The following TPR variants were observed in gnomAD, a reference collection of about 807,000 sequenced individuals.
The protein encoded by TPR is nucleoprotein TPR.
A neutral mutation model predicts 316.1 loss-of-function variants in TPR; 51 were observed. That is an observed-to-expected ratio of 0.16 (90% confidence interval 0.13 to 0.20). The LOEUF (loss-of-function observed/expected upper bound fraction) is 0.20. Ranked by LOEUF, TPR falls within the 10% of genes least tolerant of loss-of-function variation. The pLI, the probability that TPR is intolerant of heterozygous loss-of-function variation, is 1.00. For synonymous variants in TPR, 981 were observed against 914.7 expected (o/e 1.07, Z -1.31); for missense variants, 2,272 against 2,754.8 (o/e 0.82, Z 3.92).
chr1:186,341,490 T>C, intron 27 of TPR, 101 bp from the exon 28 acceptor site: 7 of 1,292,988 alleles, frequency 5.4e-6, no homozygotes, highest in Non-Finnish European at 7.2e-6. Context: ...ATAAAGAGGA[T>C]TTAAGTTTCA....
chr1:186,340,994 T>G, intron 29 of TPR, 34 bp downstream of exon 29: 1 of 1,592,986 alleles, frequency 6.3e-7, no homozygotes, highest in Non-Finnish European at 8.5e-7. Flanking sequence ...AAACACGTGT[T>G]TCCATGTTTT....
intron 46 of TPR, among the ~76,000 whole-genome samples, chr1:186,319,924 A>C (rs966166305): frequency 6.6e-6 from 1 of 152,188 alleles, no homozygotes; most frequent in African/African-American, 2.4e-5. Context: ...TATACATTTA[A>C]TTAGAAATGT....
At chr1:186,314,965 G>A (rs191682804) in intron 49 of TPR, among the ~76,000 whole-genome samples, 47 of 152,000 alleles carry the variant, frequency 3.1e-4, no homozygotes, top group Non-Finnish European at 4.7e-4. Flanking sequence ...TCAGGAGTTC[G>A]AGACCAGCCT....
Position 186,353,847 on chromosome 1 carries a change from A to G in TPR, c.2175T>C (p.Tyr725=). 2 of 1,612,432 alleles carry G rather than the reference A, an allele frequency of 1.2e-6. No individual in the cohort carries two copies. The highest frequency in any genetic ancestry group is 1.7e-6 in the Non-Finnish European group (2 of 1,179,610). ...CTTCAACATTATCTTGCAGCATTTC[A>G]TAACTGGTATGAAAAAAGTAATTCT... ...STQLDFASKR[Y]EMLQDNVEGY... The change falls in exon 18 of 51, where the codon TAT becomes TAC. Residue 725 remains tyrosine (Y), a synonymous_variant. Coordinates refer to ENST00000367478, the MANE Select transcript of TPR (RefSeq NM_003292.3).
At chr1:186,325,888 T>C (rs748761687) in intron 41 of TPR, 34 bp from the exon 42 acceptor site, 11 of 1,599,186 alleles carry the variant, frequency 6.9e-6, no homozygotes, top group Admixed American at 3.5e-5. Flanking sequence ...AATGCTCAAA[T>C]AAAATAAATA....
chr1:186,335,216 C>T (rs1658302525), intron 34 of TPR, 87 bp from the exon 35 acceptor site: 1 of 1,549,074 alleles, frequency 6.5e-7, no homozygotes, highest in South Asian at 1.2e-5. Context: ...ATTGTTAATT[C>T]TCTCCGCATA....
chr1:186,334,639 C>T, intron 35 of TPR, 106 bp from the exon 36 acceptor site: 1 of 1,188,116 alleles, frequency 8.4e-7, no homozygotes, highest in Non-Finnish European at 1.2e-6. Flanking sequence ...CTAAATATTT[C>T]AGAGCCTTAT....
chr1:186,323,870 C>T lies in TPR; in HGVS notation c.6113G>A (p.Gly2038Asp). 6.5e-7 allele frequency: 1 copy of T among 1,533,880 alleles called. No individual in the cohort carries two copies. The highest frequency in any genetic ancestry group is 8.7e-7 in the Non-Finnish European group (1 of 1,152,328). ...TTCTGCAGCACCTGTATTTCCTTCA[C>T]CTGTAGGAAAAGAGAAATTTACTTT... The part of the protein sequence containing the change: ...NHRAADSQNS[G>D]EGNTGAAESS... The change falls in exon 43 of 51, where the codon GGT becomes GAT. Residue 2038 changes from glycine (G) to aspartate (D), a missense_variant and splice_region_variant. Coordinates refer to ENST00000367478, the MANE Select transcript of TPR (RefSeq NM_003292.3).
rs1659162616 is a variant in TPR, at chr1:186,360,793, A to G, written c.1071T>C (p.Asn357=). The change falls in exon 10 of 51, where the codon AAT becomes AAC. Residue 357 remains asparagine (N), a synonymous_variant. Transcript: ENST00000367478. ...GRLEKELENA[N]DLLSATKRKG... The stretch of plus-strand genomic sequence containing the variant: ...TACGTTTTGTGGCAGAAAGAAGGTC[A>G]TTTGCATTCTCTAATTCCTTCTCCA... 6.2e-7 allele frequency: 1 copy of G among 1,612,912 alleles called. No individual in the cohort carries two copies. The highest frequency in any genetic ancestry group is 8.5e-7 in the Non-Finnish European group (1 of 1,179,214).
intron 42 of TPR, among the ~76,000 whole-genome samples, chr1:186,324,666 T>C (rs1183787814): frequency 1.3e-5 from 2 of 152,228 alleles, no homozygotes; most frequent in African/African-American, 4.8e-5. Flanking sequence ...CTAAACCTTA[T>C]TAAGTTTACT....
chr1:186,336,610 C>T lies in TPR; in HGVS notation c.4591G>A (p.Asp1531Asn). 1 of 1,613,840 alleles carries T rather than the reference C, an allele frequency of 6.2e-7. No individual in the cohort carries two copies. Among genetic ancestry groups the T allele is most frequent in the Non-Finnish European group, 8.5e-7 (1 of 1,179,892 alleles). ...LQSELSRLRQDLQDRTTQEEQ... is the reference protein window; with the variant it reads ...LQSELSRLRQNLQDRTTQEEQ... ...TCCTGTGTGGTTCTATCTTGAAGAT[C>T]CTGACGAAGTCGTGAAAGTTCAGAC... The change falls in exon 33 of 51, where the codon GAT becomes AAT. Residue 1531 changes from aspartate (D) to asparagine (N), a missense_variant. Physicochemically the swap from Asp to Asn is conservative, Grantham distance 23. This residue lies in a region of TPR where 101 missense variants were observed against 113.0 expected (regional missense o/e 0.89). Transcript: ENST00000367478.
intron 27 of TPR, 191 bp downstream of exon 27, chr1:186,343,135 G>C: frequency 1.8e-6 from 1 of 548,284 alleles, no homozygotes; most frequent in Non-Finnish European, 2.8e-6. Context: ...CTGAAACCAG[G>C]CAGTTTGGTT....
chr1:186,318,925 T>C (rs1322416148), intron 46 of TPR, 97 bp from the exon 47 acceptor site: 9 of 1,118,862 alleles, frequency 8.0e-6, no homozygotes, highest in Admixed American at 2.2e-5. Context: ...ATTGGAGATA[T>C]ACAACTTTAC....
intron 2 of TPR, among the ~76,000 whole-genome samples, chr1:186,371,811 T>C (rs1659535036): frequency 6.6e-6 from 1 of 152,168 alleles, no homozygotes; most frequent in South Asian, 2.1e-4. Flanking sequence ...TGTTTTAATA[T>C]TATTTACTGC....
intron 34 of TPR, 79 bp from the exon 35 acceptor site, chr1:186,335,208 TG>T (rs1658302077): frequency 6.4e-7 from 1 of 1,557,100 alleles, no homozygotes. Flanking sequence ...TTGTCATTAT[TG>T]TTAATTCTCT....
chr1:186,351,614 T>A (rs1658864451), intron 19 of TPR, 144 bp from the exon 20 acceptor site: 1 of 872,516 alleles, frequency 1.1e-6, no homozygotes, highest in Non-Finnish European at 1.6e-6. Context: ...AAGAAAGTAT[T>A]CTGGTATTTT....
intron 27 of TPR, chr1:186,341,972 A>AT (rs201336032): frequency 1.1e-3 from 165 of 145,530 alleles, no homozygotes; most frequent in Middle Eastern, 7.1e-3. Flanking sequence ...TACTATTATA[A>AT]TTTTTTTTTT....
At position 186,317,562 on chromosome 1, in the gene TPR, T is replaced by C. The variant is rs750893459; in HGVS notation, c.6860A>G (p.Gln2287Arg). Residue 2287 changes from glutamine to arginine, a missense_variant, in exon 49 of 51, where the codon CAG becomes CGG. Gln to Arg is a conservative substitution (Grantham distance 43). Transcript: ENST00000367478. The part of the protein sequence containing the change: ...SEAGLEIDSQ[Q>R]EEEPVQASDE... ...AGATGCTTGAACCGGCTCTTCTTCC[T>C]GCTGGCTATCAATTTCTAGGCCTGC... 29 of 1,614,020 alleles carry C rather than the reference T, an allele frequency of 1.8e-5. No individual in the cohort carries two copies. Among genetic ancestry groups the C allele is most frequent in the Non-Finnish European group, 2.5e-5 (29 of 1,180,022 alleles).
intron 24 of TPR, 34 bp downstream of exon 24, chr1:186,345,546 C>T (rs925677610): frequency 2.0e-6 from 3 of 1,467,654 alleles, no homozygotes; most frequent in South Asian, 1.1e-5. Context: ...TCTCTAGGAT[C>T]GAAGCTCATT....
Sources: allele counts gnomAD v4.1 joint callset (sites outside exome capture counted in the v4.1 genomes callset), GRCh38; gene constraint gnomAD v4.1.1; regional missense constraint gnomAD v4.1.1; transcripts MANE v1.5; gene names NCBI Gene and HGNC (gene_info 2026-07-23, HGNC 2026-07-21).